The following WWC2 variants were observed in gnomAD, a reference collection of about 807,000 sequenced individuals.
WWC2 encodes WW and C2 domain containing 2, also known as protein WWC2.
In WWC2, 101 loss-of-function variants were observed where a neutral mutation model predicts 138.5. The ratio of observed to expected loss-of-function variants is 0.73; its 90% CI spans 0.62 to 0.86. WWC2 has a LOEUF of 0.86. Among genes scored for constraint, WWC2 ranks in the 40% least tolerant of loss-of-function variants. WWC2 has a pLI of 0.00. For synonymous variants in WWC2, 558 were observed against 538.4 expected (o/e 1.04, Z -0.50); for missense variants, 1,420 against 1,419.4 (o/e 1.00, Z -0.01).
At chr4:183,205,580 G>C (rs1414904755) in intron 2 of WWC2, among the ~76,000 whole-genome samples, 2 of 152,170 alleles carry the variant, frequency 1.3e-5, no homozygotes, top group African/African-American at 4.8e-5. Flanking sequence ...TTTTCATTGA[G>C]TGCTAGGTTT....
At chr4:183,135,386 T>G (rs1733077678) in intron 1 of WWC2, among the ~76,000 whole-genome samples, 1 of 152,142 alleles carries the variant, frequency 6.6e-6, no homozygotes, top group African/African-American at 2.4e-5. Flanking sequence ...TTTGCTTTTT[T>G]TTTGGTGGCT....
chr4:183,130,440 G>C (rs772758436), intron 1 of WWC2, among the ~76,000 whole-genome samples: 40 of 152,314 alleles, frequency 2.6e-4, no homozygotes, highest in Non-Finnish European at 5.1e-4. Context: ...CTTCATGGCA[G>C]AGTAGTTAAA....
At chr4:183,273,556 G>T (rs1737764053) in intron 16 of WWC2, among the ~76,000 whole-genome samples, 1 of 152,104 alleles carries the variant, frequency 6.6e-6, no homozygotes, top group Non-Finnish European at 1.5e-5. Context: ...TGCCCACCTT[G>T]CCTCCCAAAG....
intron 6 of WWC2, among the ~76,000 whole-genome samples, chr4:183,247,486 CTATA>C (rs1383431052): frequency 7.0e-6 from 1 of 143,264 alleles, no homozygotes; most frequent in Admixed American, 7.1e-5. Flanking sequence ...TATATATATA[CTATA>C]TATACTATTT....
rs368171164 is a variant in WWC2, at chr4:183,269,010, C to T, written c.2247C>T (p.Val749=). 22 of 1,613,722 alleles carry T rather than the reference C, an allele frequency of 1.4e-5. No individual in the cohort carries two copies. In the African/African-American group the frequency reaches 1.9e-4, roughly 14 times the overall value. ...RVAVLPSSTD[V]SCLFRTKVHP... is the part of the protein sequence containing the mutation. ...CCGTTCTTCCTTCCTCAACTGATGTCAGCTGTCTGTTTCGCACAAAAGTTC... is the reference window on the plus strand; with the variant it reads ...CCGTTCTTCCTTCCTCAACTGATGTTAGCTGTCTGTTTCGCACAAAAGTTC... The change falls in exon 15 of 23, where the codon GTC becomes GTT. Residue 749 remains valine (V), a synonymous_variant. Coordinates refer to ENST00000403733, the MANE Select transcript of WWC2 (RefSeq NM_024949.6).
chr4:183,194,516 C>T (rs1735080768), intron 2 of WWC2, among the ~76,000 whole-genome samples: 1 of 151,944 alleles, frequency 6.6e-6, no homozygotes, highest in African/African-American at 2.4e-5. Context: ...ATTTATTCCT[C>T]ATTGTCTTAT....
intron 1 of WWC2, among the ~76,000 whole-genome samples, chr4:183,152,530 TA>T (rs572757609): frequency 0.2 from 25,126 of 126,106 alleles, 2,409 homozygotes; most frequent in South Asian, 0.29. Flanking sequence ...AAGTGAAACT[TA>T]AAAAAAAAAA....
chr4:183,307,440 C>A (rs887656247), intron 21 of WWC2, among the ~76,000 whole-genome samples: 1 of 152,318 alleles, frequency 6.6e-6, no homozygotes, highest in Admixed American at 6.5e-5. Flanking sequence ...TTCTTCCCAA[C>A]TTATTCTGTG....
chr4:183,247,303 A>G (rs1004030768), intron 6 of WWC2, among the ~76,000 whole-genome samples: 3 of 151,962 alleles, frequency 2.0e-5, no homozygotes, highest in Admixed American at 6.6e-5. Context: ...AAAAAATACT[A>G]GTAACAACCT....
At chr4:183,192,032 G>A (rs1735006204) in intron 1 of WWC2, among the ~76,000 whole-genome samples, 1 of 152,178 alleles carries the variant, frequency 6.6e-6, no homozygotes, top group South Asian at 2.1e-4. Context: ...ACCAGAATTT[G>A]TATTTGTAAC....
intron 18 of WWC2, among the ~76,000 whole-genome samples, 170 bp downstream of exon 18, chr4:183,283,076 T>G (rs1738134716): frequency 2.0e-5 from 3 of 152,200 alleles, no homozygotes; most frequent in African/African-American, 7.2e-5. Context: ...CATAAATGCT[T>G]TAACGTTTTA....
At chr4:183,214,563 T>C (rs1229896438) in intron 4 of WWC2, among the ~76,000 whole-genome samples, 2 of 151,856 alleles carry the variant, frequency 1.3e-5, no homozygotes, top group South Asian at 4.2e-4. Context: ...GAGGTCGAGG[T>C]GGGCGGATCA....
At position 183,284,943 on chromosome 4, in the gene WWC2, A is replaced by G. The variant is rs151201292; in HGVS notation, c.3048+553A>G. On this transcript the variant is annotated intron_variant, in intron 19 of 22. Coordinates refer to ENST00000403733, the MANE Select transcript of WWC2 (RefSeq NM_024949.6). ...ATTTATCTAGTAAGATAGACATAAT[A>G]TTATAAACTGGGTTAGAAATACTTT... 4.9e-3 allele frequency among the ~76,000 whole-genome samples: 740 copies of G among 152,348 alleles called. 5 individuals carry two copies. Among genetic ancestry groups the G allele is most frequent in the African/African-American group, 0.017 (713 of 41,568 alleles).
At chr4:183,212,612 A>G (rs1171931349) in intron 4 of WWC2, among the ~76,000 whole-genome samples, 1 of 152,256 alleles carries the variant, frequency 6.6e-6, no homozygotes, top group African/African-American at 2.4e-5. Context: ...TATCCTTGCA[A>G]GACACACTGT....
chr4:183,172,682 GT>G (rs1378744633), intron 1 of WWC2, among the ~76,000 whole-genome samples: 5 of 149,650 alleles, frequency 3.3e-5, no homozygotes, highest in Non-Finnish European at 7.4e-5. Context: ...GGGCATTGAT[GT>G]AGGCCTTTTG....
chr4:183,228,164 CAAAT>C (rs1248752980), intron 4 of WWC2, among the ~76,000 whole-genome samples: 5 of 151,894 alleles, frequency 3.3e-5, no homozygotes, highest in African/African-American at 1.2e-4. Flanking sequence ...CTGGTATACA[CAAAT>C]AAATAAGTAA....
intron 1 of WWC2, among the ~76,000 whole-genome samples, chr4:183,106,711 C>T (rs1743372327): frequency 6.6e-6 from 1 of 151,928 alleles, no homozygotes; most frequent in African/African-American, 2.4e-5. Context: ...TTCTTTTTTT[C>T]TTAGTGTAAT....
Position 183,164,263 on chromosome 4 carries a change from C to T in WWC2, c.132-29336C>T, listed in dbSNP as rs1347639161. Among the ~76,000 whole-genome samples, 16 of 127,838 alleles carry T rather than the reference C, an allele frequency of 1.3e-4. 1 individual carries two copies. The highest frequency in any genetic ancestry group is 2.5e-4 in the African/African-American group (8 of 31,844). The allele number at this position is 127,838 out of a possible 152,430, so 83.9% of individuals were successfully genotyped here. On this transcript the variant is annotated intron_variant, in intron 1 of 22. Coordinates refer to ENST00000403733, the MANE Select transcript of WWC2 (RefSeq NM_024949.6). Reference sequence around the variant, plus strand: ...CCCCTGCATTATGTGATTTGGTGTGCGCATATATATATATATATATATATA... The same window carrying T: ...CCCCTGCATTATGTGATTTGGTGTGTGCATATATATATATATATATATATA...
At chr4:183,281,665 T>C (rs1449505877) in intron 17 of WWC2, among the ~76,000 whole-genome samples, 13 of 152,176 alleles carry the variant, frequency 8.5e-5, no homozygotes, top group Admixed American at 8.5e-4. Flanking sequence ...AGTGACACGA[T>C]ATATCATAAA....
Sources: allele counts gnomAD v4.1 joint callset (sites outside exome capture counted in the v4.1 genomes callset), GRCh38; gene constraint gnomAD v4.1.1; transcripts MANE v1.5; gene names NCBI Gene and HGNC (gene_info 2026-07-23, HGNC 2026-07-21).